The following CLEC16A variants were observed in gnomAD, a reference collection of about 807,000 sequenced individuals.
CLEC16A encodes the protein C-type lectin domain containing 16A.
A neutral mutation model predicts 109.5 loss-of-function variants in CLEC16A; 51 were observed. That is an observed-to-expected ratio of 0.47 (90% CI 0.37 to 0.59). CLEC16A has a LOEUF of 0.59. CLEC16A is among the 20% of genes least tolerant of loss of function. The pLI, the probability that CLEC16A is intolerant of heterozygous loss-of-function variation, is 0.00. For synonymous variants in CLEC16A, 673 were observed against 564.2 expected (o/e 1.19, Z -2.73); for missense variants, 1,339 against 1,394.0 (o/e 0.96, Z 0.63).
At chr16:10,972,904 C>T in intron 6 of CLEC16A, 34 bp from the exon 7 acceptor site, 2 of 1,531,328 alleles carry the variant, frequency 1.3e-6, no homozygotes, top group Non-Finnish European at 1.8e-6. Context: ...TTTTTGGTAG[C>T]TTGACTTTTT....
chr16:11,110,515 C>T (rs1192837907), intron 19 of CLEC16A, among the ~76,000 whole-genome samples: 2 of 150,180 alleles, frequency 1.3e-5, no homozygotes, highest in East Asian at 1.9e-4. Context: ...CATTTTCTCC[C>T]TCTGAAGAGA....
intron 19 of CLEC16A, among the ~76,000 whole-genome samples, chr16:11,102,172 C>A (rs2050958367): frequency 6.6e-6 from 1 of 152,022 alleles, no homozygotes; most frequent in South Asian, 2.1e-4. Context: ...CCATTTTTAC[C>A]ATGGCTGAAA....
chr16:11,025,621 G>C (rs928517506), intron 13 of CLEC16A, among the ~76,000 whole-genome samples: 1 of 152,112 alleles, frequency 6.6e-6, no homozygotes, highest in African/African-American at 2.4e-5. Flanking sequence ...CAAGAGCTAG[G>C]CTTGGCATAG....
chr16:10,957,973 T>C (rs753664301), intron 2 of CLEC16A, 63 bp downstream of exon 2: 8 of 1,514,830 alleles, frequency 5.3e-6, no homozygotes, highest in Non-Finnish European at 7.3e-6. Context: ...TCTAAATGTA[T>C]ACTATGAGTC....
intron 22 of CLEC16A, among the ~76,000 whole-genome samples, chr16:11,160,075 TC>T (rs2054668381): frequency 6.6e-6 from 1 of 152,122 alleles, no homozygotes; most frequent in Non-Finnish European, 1.5e-5. Context: ...TCCTGTGGAA[TC>T]CCCTATAATC....
intron 19 of CLEC16A, among the ~76,000 whole-genome samples, chr16:11,076,542 A>T (rs2049386048): frequency 6.6e-6 from 1 of 152,038 alleles, no homozygotes; most frequent in Admixed American, 6.5e-5. Context: ...CCCCTGCATC[A>T]CACGCCCACC....
chr16:10,946,418 C>G (rs117768500), intron 1 of CLEC16A, among the ~76,000 whole-genome samples: 162 of 152,118 alleles, frequency 1.1e-3, no homozygotes, highest in Non-Finnish European at 2.1e-3. Flanking sequence ...GGAGGGTTCA[C>G]TATGTGGTGA....
At position 10,961,236 on chromosome 16, in the gene CLEC16A, G is replaced by C. The variant is rs1186181548; in HGVS notation, c.210-1219G>C. Among the ~76,000 whole-genome samples the C allele has an allele frequency of 6.6e-6, 1 of 152,184 alleles. No homozygotes were observed. Among genetic ancestry groups the C allele is most frequent in the Non-Finnish European group, 1.5e-5 (1 of 68,040 alleles). On this transcript the variant is annotated intron_variant, in intron 2 of 23. Coordinates refer to ENST00000409790, the MANE Select transcript of CLEC16A (RefSeq NM_015226.3). The surrounding 1 kb of genome is among the most constrained non-coding windows in gnomAD (Gnocchi z 4.3). ...GAGGTCAACATGAATGGCATTTACA[G>C]GCAGATGGGCCTCCGAGTTGGAGAA...
At chr16:11,160,418 C>G (rs963745121) in intron 22 of CLEC16A, among the ~76,000 whole-genome samples, 1 of 152,194 alleles carries the variant, frequency 6.6e-6, no homozygotes, top group Non-Finnish European at 1.5e-5. Context: ...TCTCTGGTTT[C>G]TACCCAAAAA....
At chr16:11,132,048 G>T (rs993827122) in intron 22 of CLEC16A, among the ~76,000 whole-genome samples, 1 of 152,170 alleles carries the variant, frequency 6.6e-6, no homozygotes, top group Admixed American at 6.5e-5. Context: ...CTAGTTCTCT[G>T]CACGGCAGCT....
chr16:11,140,453 C>T (rs1341711268), intron 22 of CLEC16A, among the ~76,000 whole-genome samples: 1 of 152,222 alleles, frequency 6.6e-6, no homozygotes, highest in Non-Finnish European at 1.5e-5. Context: ...AGATTTCCAG[C>T]ATGAAGCCCA....
At chr16:10,956,639 C>T (rs774357912) in intron 1 of CLEC16A, among the ~76,000 whole-genome samples, 10 of 152,154 alleles carry the variant, frequency 6.6e-5, no homozygotes, top group Non-Finnish European at 1.2e-4. Context: ...TTCTGGTCCC[C>T]GCGCTGCTCA....
At chr16:10,966,637 T>G (rs898985779) in intron 3 of CLEC16A, among the ~76,000 whole-genome samples, 5 of 152,204 alleles carry the variant, frequency 3.3e-5, no homozygotes, top group Non-Finnish European at 7.3e-5. Flanking sequence ...CTCAGGAAAC[T>G]TACAATCATG....
At chr16:11,089,951 A>G (rs998021049) in intron 19 of CLEC16A, among the ~76,000 whole-genome samples, 1 of 152,206 alleles carries the variant, frequency 6.6e-6, no homozygotes, top group Non-Finnish European at 1.5e-5. Context: ...TGCCTCCTTC[A>G]TGTGTGTTTG....
intron 1 of CLEC16A, among the ~76,000 whole-genome samples, chr16:10,956,144 G>A (rs182095168): frequency 3.9e-4 from 59 of 152,344 alleles, no homozygotes; most frequent in African/African-American, 1.4e-3. Flanking sequence ...CCTTTTGGTA[G>A]ATTTGGGTAC....
chr16:10,976,350 T>G (rs1332153379), intron 7 of CLEC16A, among the ~76,000 whole-genome samples: 1 of 151,458 alleles, frequency 6.6e-6, no homozygotes, highest in Non-Finnish European at 1.5e-5. Context: ...TTTTTACTTT[T>G]TTTTTTTCAA....
chr16:10,972,700 T>C, intron 6 of CLEC16A, 141 bp downstream of exon 6: 1 of 855,310 alleles, frequency 1.2e-6, no homozygotes, highest in South Asian at 1.7e-5. Context: ...CATTAATGTT[T>C]AGCCCAACTA....
Position 11,082,127 on chromosome 16 carries a change from A to C in CLEC16A, c.2116+21105A>C, listed in dbSNP as rs11648679. ...ATTGAAGTTCTGTGAAGGTTCGTGCATGTCTCCCTTGATTTTGATGGCTCT... is the reference window on the plus strand; with the variant it reads ...ATTGAAGTTCTGTGAAGGTTCGTGCCTGTCTCCCTTGATTTTGATGGCTCT... On this transcript the variant is annotated intron_variant, in intron 19 of 23. Coordinates refer to ENST00000409790, the MANE Select transcript of CLEC16A (RefSeq NM_015226.3). Among the ~76,000 whole-genome samples the C allele has an allele frequency of 5.1e-3, 783 of 152,218 alleles. 8 individuals are homozygous for C. Among genetic ancestry groups the C allele is most frequent in the African/African-American group, 0.018 (756 of 41,524 alleles).
intron 22 of CLEC16A, chr16:11,156,780 A>G: frequency 1.3e-6 from 1 of 757,790 alleles, no homozygotes; most frequent in Non-Finnish European, 2.0e-6. Context: ...AGAAATCCAA[A>G]GCAAGGTTGC....
Sources: gnomAD v4.1 joint callset for allele counts (sites outside exome capture counted in the v4.1 genomes callset) on GRCh38, gnomAD v4.1.1 for gene constraint, Gnocchi (gnomAD v3.1) non-coding constraint, MANE v1.5 for transcripts, NCBI Gene and HGNC (gene_info 2026-07-23, HGNC 2026-07-21) for gene names.